The following SEMA4C variants were observed in gnomAD, a reference collection of about 807,000 sequenced individuals.
The protein encoded by SEMA4C is semaphorin-4C.
Under a neutral mutation model 89.0 loss-of-function variants are expected in SEMA4C, and 19 were observed. The observed-to-expected ratio is 0.21, with a 90% CI of 0.15 to 0.31. SEMA4C has a LOEUF of 0.31. Among genes scored for constraint, SEMA4C ranks in the 10% least tolerant of loss-of-function variants. SEMA4C has a pLI of 1.00. For missense variants in SEMA4C, 811 were observed against 1,107.0 expected (o/e 0.73, Z 3.79); for synonymous variants, 428 against 472.7 (o/e 0.91, Z 1.23).
chr2:96,865,839 G>C (rs1394254000), intron 4 of SEMA4C, 28 bp downstream of exon 4: 18 of 1,613,122 alleles, frequency 1.1e-5, no homozygotes, highest in Non-Finnish European at 1.4e-5. Context: ...GGTGAAGGCA[G>C]CACCAGGAGC....
chr2:96,868,476 A>G, intron 1 of SEMA4C: 3 of 992,098 alleles, frequency 3.0e-6, no homozygotes, highest in Non-Finnish European at 3.6e-6. Context: ...CCCAGCGCAG[A>G]CAATAGCCCT....
intron 12 of SEMA4C, 135 bp downstream of exon 12, chr2:96,863,547 T>A: frequency 4.0e-6 from 5 of 1,245,566 alleles, no homozygotes; most frequent in Non-Finnish European, 5.6e-6. Context: ...TTAGGCAAGG[T>A]GTGCATCCAC....
chr2:96,870,824 C>G, upstream of SEMA4C: 1 of 912,680 alleles, frequency 1.1e-6, no homozygotes, highest in Non-Finnish European at 1.3e-6. Flanking sequence ...GAACCACCAG[C>G]CTCCGCCCAC....
chr2:96,865,191 C>T lies in SEMA4C; in HGVS notation c.634+13G>A, dbSNP rs201768037. ...TCCCACCCATGGCTCCCACAGGCCC[C>T]CCGGTGGCTCACCGTTGAGCCAAAA... On this transcript the variant is annotated intron_variant, in intron 7 of 14. Coordinates refer to ENST00000305476, the MANE Select transcript of SEMA4C (RefSeq NM_017789.5). 197 of 1,612,870 alleles carry T rather than the reference C, an allele frequency of 1.2e-4. No individual in the cohort carries two copies. The East Asian group carries it at 2.4e-3, about 20-fold the overall frequency.
At chr2:96,870,328 G>T, upstream of SEMA4C, 1 of 985,194 alleles carries the variant, frequency 1.0e-6, no homozygotes, top group Non-Finnish European at 1.2e-6. Context: ...CTGGAGGGAG[G>T]TGGGGCGGGG....
rs1481867565 is a variant in SEMA4C at position 96,865,881 on chromosome 2, C to T, written c.307G>A (p.Gly103Arg). 1 of 1,614,122 alleles carries T rather than the reference C, an allele frequency of 6.2e-7. No homozygotes were observed. The highest frequency in any genetic ancestry group is 8.5e-7 in the Non-Finnish European group (1 of 1,180,022). The change falls in exon 4 of 15, where the codon GGG becomes AGG. Residue 103 changes from glycine to arginine, a missense_variant. This residue lies in a region of SEMA4C where 119 missense variants were observed against 152.7 expected (regional missense o/e 0.78). Transcript: ENST00000305476. Reference protein sequence around the residue: ...VEKKTECIQKGKNNQTECFNF... With the variant: ...VEKKTECIQKRKNNQTECFNF... Reference sequence around the variant, plus strand: ...CAAGCACCCACCTGGTTGTTCTTCCCTTTCTGGATACACTCAGTCTTCTTC... The same window carrying T: ...CAAGCACCCACCTGGTTGTTCTTCCTTTTCTGGATACACTCAGTCTTCTTC...
At chr2:96,866,574 C>G in intron 2 of SEMA4C, 143 bp from the exon 3 acceptor site, 1 of 1,205,270 alleles carries the variant, frequency 8.3e-7, no homozygotes, top group Non-Finnish European at 1.2e-6. Context: ...ACTTTTGAAA[C>G]AGCCTTTGGC....
chr2:96,868,308 C>A, intron 1 of SEMA4C: 1 of 585,830 alleles, frequency 1.7e-6, no homozygotes. Context: ...GGCCTTGCAG[C>A]CACTGGGGCT....
intron 2 of SEMA4C, 94 bp downstream of exon 2, chr2:96,867,684 T>C (rs775397610): frequency 5.6e-6 from 7 of 1,259,054 alleles, no homozygotes; most frequent in Non-Finnish European, 8.0e-6. Flanking sequence ...CTTAGAAAGC[T>C]GTGCCACACA....
At position 96,861,424 on chromosome 2, in the gene SEMA4C, C is replaced by A; in HGVS notation, c.1704G>T (p.Val568=). ...AGGGCAGCACCAGGTCTGTGCCCGC[C>A]ACCACCGTGATGTTTTTGGGAGTGG... ...VRPTPKNITV[V]AGTDLVLPCH... is the part of the protein sequence containing the mutation. Residue 568 remains valine, a synonymous_variant, in exon 15 of 15, where the codon GTG becomes GTT. Coordinates refer to ENST00000305476, the MANE Select transcript of SEMA4C (RefSeq NM_017789.5). This position sits in a 1 kb window ranked among gnomAD's most constrained non-coding sequence, Gnocchi z 7.8. The A allele has an allele frequency of 6.2e-7, 1 of 1,612,092 alleles. No homozygotes were observed.
intron 1 of SEMA4C, chr2:96,868,420 T>A: frequency 1.0e-6 from 1 of 1,000,694 alleles, no homozygotes; most frequent in Non-Finnish European, 1.2e-6. Flanking sequence ...GGAAACCTGG[T>A]GCGGCCGGCT....
rs367613111 is a variant in SEMA4C at position 96,860,608 on chromosome 2, A to T, written c.*18T>A. On this transcript the variant is annotated 3_prime_UTR_variant, in exon 15 of 15. Transcript: ENST00000305476. ...GCTACACCTCCCACGCTTCCCGCCG[A>T]CGCGGTGGGGGTTCCCCTCATACTG... 20 of 1,574,416 alleles carry T rather than the reference A, an allele frequency of 1.3e-5. No homozygotes were observed. In the African/African-American group the frequency reaches 2.4e-4, roughly 19 times the overall value.
Position 96,860,848 on chromosome 2 carries a change from C to T in SEMA4C, c.2280G>A (p.Ser760=), listed in dbSNP as rs557800039. ...GCTGGCCTGGGATGCCTGGAGGTGGCGAAGGGGGCCCCCCACCGGGCTGGC... is the reference window on the plus strand; with the variant it reads ...GCTGGCCTGGGATGCCTGGAGGTGGTGAAGGGGGCCCCCCACCGGGCTGGC... The part of the protein sequence containing the change: ...ARCQPGGGPP[S]PPPGIPGQPL... Residue 760 remains serine, a synonymous_variant, in exon 15 of 15, where the codon TCG becomes TCA. Transcript: ENST00000305476. The T allele has an allele frequency of 1.2e-5, 20 of 1,612,966 alleles. No homozygotes were observed. Among genetic ancestry groups the T allele is most frequent in the East Asian group, 4.5e-5 (2 of 44,884 alleles).
intron 12 of SEMA4C, 191 bp from the exon 13 acceptor site, chr2:96,862,085 C>A: frequency 1.6e-6 from 1 of 633,436 alleles, no homozygotes; most frequent in Non-Finnish European, 2.7e-6. Context: ...CCGCAGAACT[C>A]AGAGGGCTTA....
rs747519780 is a variant in SEMA4C at position 96,861,449 on chromosome 2, G to C, written c.1679C>G (p.Pro560Arg). 6.2e-7 allele frequency: 1 copy of C among 1,612,746 alleles called. No homozygotes were observed. Among genetic ancestry groups the C allele is most frequent in the South Asian group, 1.1e-5 (1 of 91,082 alleles). Residue 560 changes from proline to arginine, a missense_variant, in exon 15 of 15, where the codon CCC becomes CGC. Physicochemically the swap from Pro to Arg is moderately radical, Grantham distance 103. Transcript: ENST00000305476. This position sits in a 1 kb window ranked among gnomAD's most constrained non-coding sequence, Gnocchi z 7.8. Reference sequence around the variant, plus strand: ...CACCACCGTGATGTTTTTGGGAGTGGGCCTGACTGTAGTGGCAGAGAAAAC... The same window carrying C: ...CACCACCGTGATGTTTTTGGGAGTGCGCCTGACTGTAGTGGCAGAGAAAAC... The part of the protein sequence containing the change: ...CNLRGSKKVR[P>R]TPKNITVVAG...
In SEMA4C at chr2:96,865,296, A is replaced by G; in HGVS notation, c.542T>C (p.Leu181Pro). ...LVDGELYSAT[L>P]NNFLGTEPII... Reference sequence around the variant, plus strand: ...GGGTTCCGTGCCCAGGAAGTTGTTGAGTGTGGCCGAGTACAGCTCACCATC... The same window carrying G: ...GGGTTCCGTGCCCAGGAAGTTGTTGGGTGTGGCCGAGTACAGCTCACCATC... The change falls in exon 7 of 15, where the codon CTC becomes CCC. Residue 181 changes from leucine to proline, a missense_variant. Transcript: ENST00000305476. 6.2e-7 allele frequency: 1 copy of G among 1,614,180 alleles called. No homozygotes were observed. Among genetic ancestry groups the G allele is most frequent in the Non-Finnish European group, 8.5e-7 (1 of 1,180,018 alleles).
intron 12 of SEMA4C, 148 bp downstream of exon 12, chr2:96,863,534 A>G: frequency 7.9e-7 from 1 of 1,264,464 alleles, no homozygotes; most frequent in Non-Finnish European, 1.1e-6. Context: ...AACCCACCCC[A>G]AGTTAGGCAA....
In SEMA4C at chr2:96,864,211, G is replaced by C. The variant is rs749891358; in HGVS notation, c.1107+27C>G. 6 of 1,613,524 alleles carry C rather than the reference G, an allele frequency of 3.7e-6. No individual in the cohort carries two copies. The highest frequency in any genetic ancestry group is 4.2e-6 in the Non-Finnish European group (5 of 1,179,954). ...TGGGATGGCACCGCAGCTGGGTGGG[G>C]AGATGCATCCCTGCCCTAGCACTCA... is the stretch of plus-strand genomic sequence containing the variant. On this transcript the variant is annotated intron_variant, in intron 10 of 14. Transcript: ENST00000305476. The surrounding 1 kb of genome is among the most constrained non-coding windows in gnomAD (Gnocchi z 6.3).
At chr2:96,867,541 G>A (rs1185230749) in intron 2 of SEMA4C, among the ~76,000 whole-genome samples, 1 of 152,168 alleles carries the variant, frequency 6.6e-6, no homozygotes, top group African/African-American at 2.4e-5. Context: ...GAGGCGTGGA[G>A]AGGGCGAGGC....
Sources: gnomAD v4.1 joint callset for allele counts (sites outside exome capture counted in the v4.1 genomes callset) on GRCh38, gnomAD v4.1.1 for gene constraint, gnomAD v4.1.1 regional missense constraint, Gnocchi (gnomAD v3.1) non-coding constraint, MANE v1.5 for transcripts, NCBI Gene and HGNC (gene_info 2026-07-23, HGNC 2026-07-21) for gene names.